OR6J1: variants seen among roughly 807,000 people sequenced by gnomAD.
OR6J1 encodes the protein olfactory receptor 6J1.
For missense variants in OR6J1, 304 were observed against 166.8 expected (o/e 1.82, Z -4.53); for synonymous variants, 109 against 70.0 (o/e 1.56, Z -2.78).
intron 1 of OR6J1, among the ~76,000 whole-genome samples, chr14:22,641,182 GAA>G (rs1466590311): frequency 1.7e-5 from 2 of 116,760 alleles, no homozygotes; most frequent in African/African-American, 6.8e-5. Flanking sequence ...GAGAGAGAGA[GAA>G]AGAGAGACAG....
Position 22,632,350 on chromosome 14 carries a change from G to A in OR6J1, c.*1418C>T, listed in dbSNP as rs112710050. On this transcript the variant is annotated 3_prime_UTR_variant, in exon 2 of 2. Coordinates refer to ENST00000540461, the MANE Select transcript of OR6J1 (RefSeq NM_001348233.2). ...TGGGAGGCCGATGTGGGCAGATCAC[G>A]AGTTCAGGAGATCGAGACCATCCTG... 0.22 allele frequency: 33,098 copies of A among 150,092 alleles called. 4,392 individuals carry two copies. The highest frequency in any genetic ancestry group is 0.3 in the African/African-American group (12,208 of 40,434). The allele number at this position is 150,092 out of a possible 1,614,324, so 9.3% of individuals were successfully genotyped here.
rs1163836229 is a variant in OR6J1 at position 22,633,246 on chromosome 14, T to C, written c.*522A>G. ...AACGACATGAGCATATTGGATATTA[T>C]GAACATGTTCTATTACAGAAAGCAA... is the stretch of plus-strand genomic sequence containing the variant. On this transcript the variant is annotated 3_prime_UTR_variant, in exon 2 of 2. Transcript: ENST00000540461. The C allele has an allele frequency of 2.6e-5, 4 of 155,524 alleles. No homozygotes were observed. The highest frequency in any genetic ancestry group is 7.2e-5 in the African/African-American group (3 of 41,422). The allele number at this position is 155,524 out of a possible 1,614,324, so 9.6% of individuals were successfully genotyped here.
chr14:22,633,760 CTCTCTT>C lies in OR6J1; in HGVS notation c.*2_*7del, dbSNP rs1381868532. The C allele has an allele frequency of 3.0e-6, 2 of 661,358 alleles. No individual in the cohort carries two copies. The highest frequency in any genetic ancestry group is 3.4e-5 in the South Asian group (2 of 59,280). The allele number at this position is 661,358 out of a possible 1,614,324, so 41.0% of individuals were successfully genotyped here. A position where few individuals can be genotyped will look rare whatever the true frequency, so the allele number is the denominator to read the frequency against. ...GCTCACTCTTTCACTAAGGCAGCTC[CTCTCTT>C]TCTAACACTGGAGCTTTACAGAATA... On this transcript the variant is annotated 3_prime_UTR_variant, in exon 2 of 2. Coordinates refer to ENST00000540461, the MANE Select transcript of OR6J1 (RefSeq NM_001348233.2).
In OR6J1 at chr14:22,634,029, G is replaced by T; in HGVS notation, c.783C>A (p.Pro261=). 1.4e-6 allele frequency: 1 copy of T among 702,882 alleles called. No homozygotes were observed. The highest frequency in any genetic ancestry group is 2.0e-5 in the Admixed American group (1 of 50,008). The allele number at this position is 702,882 out of a possible 1,614,324, so 43.5% of individuals were successfully genotyped here. A position where few individuals can be genotyped will look rare whatever the true frequency, so the allele number is the denominator to read the frequency against. ...TGATCTCCAGATATTCTTTCTGGGA[G>T]GGAGTCACATAGATAAACACAGTGA... ...SGITVFIYVT[P]SQKEYLEINK... Residue 261 remains proline (P), a synonymous_variant, in exon 2 of 2, where the codon CCC becomes CCA. Coordinates refer to ENST00000540461, the MANE Select transcript of OR6J1 (RefSeq NM_001348233.2).
chr14:22,633,977 C>T lies in OR6J1; in HGVS notation c.835G>A (p.Val279Met). 1 of 702,710 alleles carries T rather than the reference C, an allele frequency of 1.4e-6. No individual in the cohort carries two copies. The highest frequency in any genetic ancestry group is 2.7e-5 in the East Asian group (1 of 37,274). The allele number at this position is 702,710 out of a possible 1,614,324, so 43.5% of individuals were successfully genotyped here. A position where few individuals can be genotyped will look rare whatever the true frequency, so the allele number is the denominator to read the frequency against. ...AAGGGGTTGAGGAATGGAGTCACCA[C>T]ACTGCTCAGAACCAAAGGGATCTTG... ...INKIPLVLSS[V>M]VTPFLNPFIY... Residue 279 changes from valine (V) to methionine (M), a missense_variant, in exon 2 of 2, where the codon GTG (valine) becomes ATG (methionine). Transcript: ENST00000540461.
At position 22,633,713 on chromosome 14, in the gene OR6J1, A is replaced by G. The variant is rs1420115181; in HGVS notation, c.*55T>C. The stretch of plus-strand genomic sequence containing the variant: ...TCCGCAGTCAGTCTTTCCACTATAG[A>G]CTATTCAGAATTCCTTAGCTAGCTC... On this transcript the variant is annotated 3_prime_UTR_variant, in exon 2 of 2. Transcript: ENST00000540461. 6 of 623,266 alleles carry G rather than the reference A, an allele frequency of 9.6e-6. No individual in the cohort carries two copies. The highest frequency in any genetic ancestry group is 9.2e-5 in the African/African-American group (5 of 54,344). The allele number at this position is 623,266 out of a possible 1,614,324, so 38.6% of individuals were successfully genotyped here. A position where few individuals can be genotyped will look rare whatever the true frequency, so the allele number is the denominator to read the frequency against.
intron 1 of OR6J1, among the ~76,000 whole-genome samples, chr14:22,637,868 T>TGG (rs1566395941): frequency 8.1e-5 from 1 of 12,364 alleles, no homozygotes; most frequent in Non-Finnish European, 1.4e-4. Flanking sequence ...GCGGGGGGGG[T>TGG]GGGGTCGGCC....
At position 22,631,162 on chromosome 14, in the gene OR6J1, C is replaced by T. The variant is rs1192739060; in HGVS notation, c.*2606G>A. 3.3e-5 allele frequency: 5 copies of T among 152,184 alleles called. No individual in the cohort carries two copies. Among genetic ancestry groups the T allele is most frequent in the East Asian group, 1.9e-4 (1 of 5,202 alleles). 9.4% of individuals were successfully genotyped at this position (152,184 alleles called of 1,614,324 possible). A position where few individuals can be genotyped will look rare whatever the true frequency, so the allele number is the denominator to read the frequency against. On this transcript the variant is annotated 3_prime_UTR_variant, in exon 2 of 2. Transcript: ENST00000540461. Reference sequence around the variant, plus strand: ...CAGGACCAGGGTGAAATTAAAATTGCTAATGAAGTTTCGGGCACCATTGTC... The same window carrying T: ...CAGGACCAGGGTGAAATTAAAATTGTTAATGAAGTTTCGGGCACCATTGTC...
At chr14:22,640,483 G>GTTTTTT (rs1457341102) in intron 1 of OR6J1, among the ~76,000 whole-genome samples, 6 of 132,712 alleles carry the variant, frequency 4.5e-5, no homozygotes, top group African/African-American at 1.5e-4. Context: ...CAGTGAGAAT[G>GTTTTTT]TATTTTTTTT....
At chr14:22,637,873 T>C (rs1312887788) in intron 1 of OR6J1, among the ~76,000 whole-genome samples, 1 of 12,862 alleles carries the variant, frequency 7.8e-5, no homozygotes, top group Admixed American at 5.4e-4. Context: ...GGGGGTGGGG[T>C]CGGCCAGCCG....
Position 22,636,932 on chromosome 14 carries a change from C to A in OR6J1, c.-27-2094G>T, listed in dbSNP as rs1440638483. 5.8e-5 allele frequency among the ~76,000 whole-genome samples: 7 copies of A among 121,678 alleles called. 1 individual carries two copies. Among genetic ancestry groups the A allele is most frequent in the African/African-American group, 3.0e-4 (7 of 23,004 alleles). 79.8% of individuals were successfully genotyped at this position (121,678 alleles called of 152,430 possible). ...GCTGCCCAGTCTGGAAAGTGAGGAGCGTCTCTGCCCGGCCGCCATCCCATC... is the reference window on the plus strand; with the variant it reads ...GCTGCCCAGTCTGGAAAGTGAGGAGAGTCTCTGCCCGGCCGCCATCCCATC... On this transcript the variant is annotated intron_variant, in intron 1 of 1. Coordinates refer to ENST00000540461, the MANE Select transcript of OR6J1 (RefSeq NM_001348233.2).
rs1319566598 is a variant in OR6J1, at chr14:22,637,065, G to A, written c.-27-2227C>T. Among the ~76,000 whole-genome samples, 18 of 119,620 alleles carry A rather than the reference G, an allele frequency of 1.5e-4. 1 individual carries two copies. Among genetic ancestry groups the A allele is most frequent in the South Asian group, 1.4e-3 (6 of 4,212 alleles). 78.5% of individuals were successfully genotyped at this position (119,620 alleles called of 152,430 possible). Reference sequence around the variant, plus strand: ...ATGTGGGGAGCACCTCTGCCCCGCCGCCCTGTCTGGGATGTGAGGAGCGCC... The same window carrying A: ...ATGTGGGGAGCACCTCTGCCCCGCCACCCTGTCTGGGATGTGAGGAGCGCC... On this transcript the variant is annotated intron_variant, in intron 1 of 1. Coordinates refer to ENST00000540461, the MANE Select transcript of OR6J1 (RefSeq NM_001348233.2).
At chr14:22,641,320 A>AGC (rs2037647425) in intron 1 of OR6J1, among the ~76,000 whole-genome samples, 1 of 144,640 alleles carries the variant, frequency 6.9e-6, no homozygotes, top group Non-Finnish European at 1.5e-5. Context: ...AGAGAGAGAG[A>AGC]GGAAGGAAGG....
At chr14:22,637,200 G>A (rs1469040908) in intron 1 of OR6J1, among the ~76,000 whole-genome samples, 1 of 99,492 alleles carries the variant, frequency 1.0e-5, no homozygotes, top group Non-Finnish European at 1.9e-5. Context: ...GAGAAGTGAG[G>A]AGCCCCTCCG....
intron 1 of OR6J1, among the ~76,000 whole-genome samples, chr14:22,643,685 G>C (rs1209429908): frequency 7.3e-6 from 1 of 137,838 alleles, no homozygotes; most frequent in Non-Finnish European, 1.5e-5. Context: ...ACAGCCCCAA[G>C]AAGAAGCCCT....
chr14:22,637,564 C>A (rs1167483695), intron 1 of OR6J1, among the ~76,000 whole-genome samples: 1 of 44,672 alleles, frequency 2.2e-5, no homozygotes, highest in Non-Finnish European at 4.4e-5. Context: ...CCCGGCCAGC[C>A]GCCCCGTCCG....
In OR6J1 at chr14:22,633,777, G is replaced by T. The variant is rs906796307; in HGVS notation, c.1035C>A (p.Leu345=). The T allele has an allele frequency of 4.4e-6, 3 of 682,004 alleles. No individual in the cohort carries two copies. The highest frequency in any genetic ancestry group is 8.0e-6 in the Non-Finnish European group (3 of 375,854). The allele number at this position is 682,004 out of a possible 1,614,324, so 42.2% of individuals were successfully genotyped here. Residue 345 remains leucine, a synonymous_variant, in exon 2 of 2, where the codon CTC becomes CTA. Transcript: ENST00000540461. ...GGCAGCTCCTCTCTTTCTAACACTG[G>T]AGCTTTACAGAATAGACACATGGTG... The part of the protein sequence containing the change: ...SSPPCVYSVK[L]QC
At chr14:22,634,957 A>T in intron 1 of OR6J1, 119 bp from the exon 2 acceptor site, 1 of 569,202 alleles carries the variant, frequency 1.8e-6, no homozygotes, top group South Asian at 2.4e-5. Context: ...GTGTAATGCA[A>T]GTTTAGCTTG....
At position 22,632,869 on chromosome 14, in the gene OR6J1, C is replaced by T. The variant is rs1029194128; in HGVS notation, c.*899G>A. On this transcript the variant is annotated 3_prime_UTR_variant, in exon 2 of 2. Transcript: ENST00000540461. ...TGTCATCTCTCTCTTCTCTGTTTTT[C>T]TCTATACATCAACTGCATTCTCTCT... is the stretch of plus-strand genomic sequence containing the variant. 1 of 152,164 alleles carries T rather than the reference C, an allele frequency of 6.6e-6. No individual in the cohort carries two copies. Among genetic ancestry groups the T allele is most frequent in the Admixed American group, 6.5e-5 (1 of 15,282 alleles). 9.4% of individuals were successfully genotyped at this position (152,164 alleles called of 1,614,324 possible).
Sources: gnomAD v4.1 joint callset for allele counts (sites outside exome capture counted in the v4.1 genomes callset) on GRCh38, gnomAD v4.1.1 for gene constraint, MANE v1.5 for transcripts, NCBI Gene and HGNC (gene_info 2026-07-23, HGNC 2026-07-21) for gene names.